KLF8: variants seen among roughly 807,000 people sequenced by gnomAD.
KLF8 encodes the protein Krueppel-like factor 8.
A neutral mutation model predicts 18.2 loss-of-function variants in KLF8; 10 were observed. The ratio of observed to expected loss-of-function variants is 0.55; its 90% CI spans 0.34 to 0.93. The LOEUF is 0.93. Among genes scored for constraint, KLF8 ranks in the 40% least tolerant of loss-of-function variants. KLF8 has a pLI of 0.02. For synonymous variants in KLF8, 109 were observed against 97.3 expected, an observed-to-expected ratio of 1.12 and a Z score of -0.71; for missense variants, 264 against 277.9, an observed-to-expected ratio of 0.95 and a Z score of 0.36.
chrX:56,028,643 G>A, the KLF8 span, among the ~76,000 whole-genome samples: 2 of 111,523 alleles, frequency 1.8e-5, no homozygotes, highest in Non-Finnish European at 3.8e-5. Context: ...TGGATGTCTC[G>A]AGCCAACGCC....
the KLF8 span, among the ~76,000 whole-genome samples, chrX:55,937,720 G>A: frequency 1.8e-5 from 2 of 112,636 alleles, no homozygotes; most frequent in East Asian, 5.5e-4. Context: ...AGAACTACGT[G>A]ATGAATGCAC....
chrX:56,161,000 T>C, the KLF8 span, among the ~76,000 whole-genome samples: 1 of 111,640 alleles, frequency 9.0e-6, no homozygotes, highest in Non-Finnish European at 1.9e-5. Context: ...GTCTTTACAA[T>C]TTGGCATGTT....
the KLF8 span, among the ~76,000 whole-genome samples, chrX:56,163,778 T>C: frequency 8.9e-6 from 1 of 112,290 alleles, no homozygotes; most frequent in Non-Finnish European, 1.9e-5. Flanking sequence ...TTTTTGTATA[T>C]GGTATAAATA....
the KLF8 span, among the ~76,000 whole-genome samples, chrX:56,000,599 C>T: frequency 9.1e-6 from 1 of 109,869 alleles, no homozygotes; most frequent in Non-Finnish European, 1.9e-5. Flanking sequence ...AGTAATTTCT[C>T]CATTTTCTTT....
chrX:56,227,949 A>C (rs1016994812), upstream of KLF8, among the ~76,000 whole-genome samples: 2 of 109,073 alleles, frequency 1.8e-5, no homozygotes, highest in Non-Finnish European at 3.8e-5. Context: ...TAAAGATAGC[A>C]GCCTGAGGCA....
the KLF8 span, among the ~76,000 whole-genome samples, chrX:55,996,255 C>CT: frequency 9.0e-6 from 1 of 111,113 alleles, no homozygotes; most frequent in African/African-American, 3.3e-5. Context: ...TTTTTCAGCT[C>CT]TTGTATTGTT....
the KLF8 span, among the ~76,000 whole-genome samples, chrX:56,034,766 T>C: frequency 3.8e-5 from 3 of 78,189 alleles, no homozygotes. Flanking sequence ...TTTTTTTTTT[T>C]TTTTTTTGAG....
chrX:56,079,585 G>A, the KLF8 span, among the ~76,000 whole-genome samples: 1 of 111,544 alleles, frequency 9.0e-6, no homozygotes, highest in African/African-American at 3.3e-5. Context: ...TTTGGAATAG[G>A]TGTGGTGTGG....
the KLF8 span, among the ~76,000 whole-genome samples, chrX:55,928,859 G>A: frequency 8.9e-6 from 1 of 112,076 alleles, no homozygotes; most frequent in East Asian, 2.8e-4. Context: ...GTAGTAGCAT[G>A]ATTTGTAATC....
chrX:56,122,601 A>G, the KLF8 span, among the ~76,000 whole-genome samples: 1 of 111,284 alleles, frequency 9.0e-6, no homozygotes, highest in Non-Finnish European at 1.9e-5. Context: ...AATATTAAGT[A>G]CTTTTAAATA....
At chrX:56,194,084 G>A in the KLF8 span, among the ~76,000 whole-genome samples, 1 of 110,810 alleles carries the variant, frequency 9.0e-6, no homozygotes, top group African/African-American at 3.3e-5. Flanking sequence ...TCTAACTCGG[G>A]GTGGGGAGGT....
chrX:55,961,930 C>G, the KLF8 span: 3 of 194,927 alleles, frequency 1.5e-5, no homozygotes, highest in Non-Finnish European at 2.9e-5. Flanking sequence ...CATGGCCTAG[C>G]AAGGGTTTGC....
chrX:56,181,140 G>A, the KLF8 span, among the ~76,000 whole-genome samples: 1 of 111,549 alleles, frequency 9.0e-6, no homozygotes, highest in South Asian at 3.8e-4. Context: ...ATGAATCTTG[G>A]TGCCTCTGTC....
the KLF8 span, among the ~76,000 whole-genome samples, chrX:56,163,140 T>A: frequency 1.8e-5 from 2 of 112,182 alleles, no homozygotes; most frequent in Admixed American, 1.9e-4. Context: ...AAATGGCATT[T>A]CTGTCTTTAG....
At chrX:55,952,455 G>T in the KLF8 span, among the ~76,000 whole-genome samples, 3 of 111,844 alleles carry the variant, frequency 2.7e-5, no homozygotes, top group Non-Finnish European at 5.6e-5. Flanking sequence ...TGGCTCTAGG[G>T]AATAATTTGT....
chrX:55,910,678 A>G, the KLF8 span, among the ~76,000 whole-genome samples: 5 of 112,106 alleles, frequency 4.5e-5, no homozygotes, highest in Non-Finnish European at 9.4e-5. Flanking sequence ...TCACTTGTAA[A>G]AAAAGAAGTA....
At chrX:56,128,591 A>G in the KLF8 span, among the ~76,000 whole-genome samples, 3 of 111,669 alleles carry the variant, frequency 2.7e-5, no homozygotes, top group Non-Finnish European at 5.6e-5. Flanking sequence ...TAATATAGGA[A>G]GGTTTCTCTT....
At chrX:56,268,940 C>T in intron 3 of KLF8, 1 of 947,602 alleles carries the variant, frequency 1.1e-6, no homozygotes, top group South Asian at 2.3e-5. Flanking sequence ...TGGATGTTCT[C>T]ACATCTGGAC....
chrX:56,036,526 A>G, the KLF8 span, among the ~76,000 whole-genome samples: 3 of 111,739 alleles, frequency 2.7e-5, no homozygotes, highest in Non-Finnish European at 3.8e-5. Flanking sequence ...GTTTTCTATT[A>G]CATTGCTCTA....
Sources: allele counts gnomAD v4.1 joint callset (sites outside exome capture counted in the v4.1 genomes callset), GRCh38; gene constraint gnomAD v4.1.1; transcripts MANE v1.5; gene names NCBI Gene and HGNC (gene_info 2026-07-23, HGNC 2026-07-21).